Variants in SYN1 observed in about 807,000 individuals in gnomAD.
The protein encoded by SYN1 is synapsin-1.
SYN1 carries 8 observed loss-of-function variants against 44.6 expected under a neutral mutation model. The observed-to-expected ratio is 0.18, with a 90% CI of 0.11 to 0.32. SYN1 has a LOEUF of 0.32. SYN1 is among the 10% of genes least tolerant of loss of function. SYN1 has a pLI of 1.00. For missense variants in SYN1, 451 were observed against 639.4 expected, an observed-to-expected ratio of 0.71 and a Z score of 3.18; for synonymous variants, 275 against 280.1, an observed-to-expected ratio of 0.98 and a Z score of 0.18.
chrX:47,610,958 C>T (rs150843362), intron 1 of SYN1, among the ~76,000 whole-genome samples: 2,561 of 111,339 alleles, frequency 0.023, 83 homozygotes, highest in African/African-American at 0.079. Flanking sequence ...GTACCAGTCA[C>T]GCTGAGAAGC....
At chrX:47,602,741 G>A (rs769804143) in intron 5 of SYN1, among the ~76,000 whole-genome samples, 17 of 111,988 alleles carry the variant, frequency 1.5e-4, no homozygotes, top group Non-Finnish European at 3.2e-4. Flanking sequence ...TGTAGTACTG[G>A]TAAGAATTGC....
At chrX:47,574,850 G>A in intron 10 of SYN1, 75 bp from the exon 11 acceptor site, 1 of 994,708 alleles carries the variant, frequency 1.0e-6, no homozygotes, top group South Asian at 2.1e-5. Flanking sequence ...TGATGACACA[G>A]GTTCCCTGTG....
intron 5 of SYN1, chrX:47,585,060 C>T: frequency 8.4e-7 from 1 of 1,191,427 alleles, no homozygotes; most frequent in Non-Finnish European, 1.1e-6. Flanking sequence ...CTAACATCTT[C>T]CTCCTGGTCA....
At chrX:47,589,577 C>T (rs1027448726) in intron 5 of SYN1, among the ~76,000 whole-genome samples, 37 of 90,522 alleles carry the variant, frequency 4.1e-4, no homozygotes, top group Non-Finnish European at 6.7e-4. Context: ...GCCTGGGCAA[C>T]AGAGCCAGAC....
intron 5 of SYN1, chrX:47,582,643 C>T (rs1470402031): frequency 9.1e-6 from 3 of 329,975 alleles, no homozygotes; most frequent in Non-Finnish European, 1.8e-5. Flanking sequence ...GCTGGAACTG[C>T]TTTCCCAACC....
At chrX:47,602,372 G>A (rs986058388) in intron 5 of SYN1, among the ~76,000 whole-genome samples, 1 of 112,133 alleles carries the variant, frequency 8.9e-6, no homozygotes, top group Non-Finnish European at 1.9e-5. Flanking sequence ...TAAAACTAAT[G>A]ATTCAAGCCG....
intron 5 of SYN1, among the ~76,000 whole-genome samples, chrX:47,589,421 G>C (rs1401063025): frequency 1.9e-5 from 2 of 106,841 alleles, no homozygotes; most frequent in Non-Finnish European, 3.9e-5. Context: ...GTGAAACCCT[G>C]TCTCTACTAA....
At chrX:47,607,240 A>C in intron 1 of SYN1, 42 bp from the exon 2 acceptor site, 40 of 1,165,176 alleles carry the variant, frequency 3.4e-5, no homozygotes, top group Non-Finnish European at 4.1e-5. Context: ...ATGAAATCTC[A>C]GAAGGGAAGA....
chrX:47,607,727 G>GGA (rs780021945), intron 1 of SYN1, among the ~76,000 whole-genome samples: 8 of 51,741 alleles, frequency 1.5e-4, no homozygotes, highest in Admixed American at 8.1e-4. Flanking sequence ...AAAAAAAATT[G>GGA]AAAAAAAAAA....
rs983098341 is a variant in SYN1 at position 47,572,206 on chromosome X, GAC to G, written c.*656_*657del. On this transcript the variant is annotated 3_prime_UTR_variant, in exon 13 of 13. Coordinates refer to ENST00000295987, the MANE Select transcript of SYN1 (RefSeq NM_006950.3). The stretch of plus-strand genomic sequence containing the variant: ...GATGGGTGGAGTTTGCATATTTAAA[GAC>G]AGCTGTCAGAGGCAGGAAACTGGGG... The G allele has an allele frequency of 1.0e-4, 12 of 115,662 alleles. No homozygotes were observed. The highest frequency in any genetic ancestry group is 3.9e-4 in the African/African-American group (12 of 30,505). The allele number at this position is 115,662 out of a possible 1,213,427, so 9.5% of individuals were successfully genotyped here.
In SYN1 at chrX:47,581,810, T is replaced by G. The variant is rs917248960; in HGVS notation, c.775-4309A>C. Among the ~76,000 whole-genome samples, 4 of 111,682 alleles carry G rather than the reference T, an allele frequency of 3.6e-5. No homozygotes were observed. The South Asian group carries it at 1.5e-3, about 41-fold the overall frequency. On this transcript the variant is annotated intron_variant, in intron 5 of 12. Transcript: ENST00000295987. ...GCCTGTGTTATTTGAGACCCTGGCT[T>G]TGGCTCCTGGCCACCTGAGTTCCAG... is the stretch of plus-strand genomic sequence containing the variant.
At chrX:47,598,633 C>T (rs1025083423) in intron 5 of SYN1, among the ~76,000 whole-genome samples, 2 of 111,426 alleles carry the variant, frequency 1.8e-5, no homozygotes, top group African/African-American at 6.5e-5. Context: ...CGAGACCAGC[C>T]TGGCCAACAT....
At chrX:47,596,298 C>G (rs761623977) in intron 5 of SYN1, among the ~76,000 whole-genome samples, 6 of 112,714 alleles carry the variant, frequency 5.3e-5, no homozygotes, top group African/African-American at 1.9e-4. Context: ...GAAAAAACAA[C>G]AAGCTTTTCA....
intron 5 of SYN1, among the ~76,000 whole-genome samples, chrX:47,603,643 A>C (rs2057886403): frequency 9.0e-6 from 1 of 110,710 alleles, no homozygotes; most frequent in Non-Finnish European, 1.9e-5. Flanking sequence ...TAGCCCAATG[A>C]CCCAACTGTG....
In SYN1 at chrX:47,601,099, C is replaced by A. The variant is rs1238716381; in HGVS notation, c.774+3879G>T. Among the ~76,000 whole-genome samples the A allele has an allele frequency of 2.7e-5, 3 of 111,450 alleles. No individual in the cohort carries two copies. In the East Asian group the frequency reaches 8.4e-4, roughly 31 times the overall value. On this transcript the variant is annotated intron_variant, in intron 5 of 12. Coordinates refer to ENST00000295987, the MANE Select transcript of SYN1 (RefSeq NM_006950.3). ...GAACTAATAAAACAAAAATTTGGTT[C>A]TTTGAAAAGATCAATAAAATTGATA...
chrX:47,597,724 T>G (rs1016146790), intron 5 of SYN1, among the ~76,000 whole-genome samples: 1 of 111,878 alleles, frequency 8.9e-6, no homozygotes, highest in Non-Finnish European at 1.9e-5. Flanking sequence ...TTCAAAGAGA[T>G]AGGCACCCAG....
intron 12 of SYN1, 116 bp downstream of exon 12, chrX:47,573,886 G>C (rs758195917): frequency 4.3e-6 from 3 of 690,797 alleles, no homozygotes; most frequent in Non-Finnish European, 5.8e-6. Context: ...GAGAGAGTTC[G>C]TGGGACCCCT....
chrX:47,583,364 G>A, intron 5 of SYN1: 1 of 1,163,203 alleles, frequency 8.6e-7, no homozygotes, highest in Non-Finnish European at 1.1e-6. Context: ...CAGGTCAGCA[G>A]ATCAGCTGGG....
rs1031712900 is a variant in SYN1, at chrX:47,572,546, C to G, written c.*318G>C. 2.0e-5 allele frequency: 5 copies of G among 246,918 alleles called. No homozygotes were observed. The South Asian group carries it at 2.7e-4, about 13-fold the overall frequency. The allele number at this position is 246,918 out of a possible 1,213,427, so 20.3% of individuals were successfully genotyped here. The stretch of plus-strand genomic sequence containing the variant: ...TGGGTTGCCTGGTATTTGGGCACTT[C>G]CAGGAAGGAAAACGCCCTCTGGGGA... On this transcript the variant is annotated 3_prime_UTR_variant, in exon 13 of 13. Coordinates refer to ENST00000295987, the MANE Select transcript of SYN1 (RefSeq NM_006950.3).
Sources: allele counts gnomAD v4.1 joint callset (sites outside exome capture counted in the v4.1 genomes callset), GRCh38; gene constraint gnomAD v4.1.1; transcripts MANE v1.5; gene names NCBI Gene and HGNC (gene_info 2026-07-23, HGNC 2026-07-21).